ANKRD31: variants seen among roughly 807,000 people sequenced by gnomAD.
ANKRD31 encodes the protein ankyrin repeat domain 31.
A neutral mutation model predicts 186.0 loss-of-function variants in ANKRD31; 147 were observed. The ratio of observed to expected loss-of-function variants is 0.79; its 90% CI spans 0.69 to 0.91. The LOEUF is 0.91. Among genes scored for constraint, ANKRD31 ranks in the 40% least tolerant of loss-of-function variants. The pLI, the probability that ANKRD31 is intolerant of heterozygous loss-of-function variation, is 0.00. For missense variants in ANKRD31, 1,986 were observed against 2,148.8 expected, an observed-to-expected ratio of 0.92 and a Z score of 1.50; for synonymous variants, 673 against 736.4, an observed-to-expected ratio of 0.91 and a Z score of 1.39.
rs564597486 is a variant in ANKRD31, at chr5:75,187,808, A to G, written c.1564+685T>C. 9.2e-4 allele frequency among the ~76,000 whole-genome samples: 140 copies of G among 152,290 alleles called. 2 individuals carry two copies. The South Asian group carries it at 0.016, about 18-fold the overall frequency. ...TTTTACTGTGCCATCTCTGTGCACC[A>G]TAAGACTCTTTGCAATGTTTCTAAA... On this transcript the variant is annotated intron_variant, in intron 10 of 25. Transcript: ENST00000506364.
intron 11 of ANKRD31, among the ~76,000 whole-genome samples, chr5:75,158,923 C>T (rs1752388748): frequency 6.6e-6 from 1 of 151,994 alleles, no homozygotes; most frequent in South Asian, 2.1e-4. Context: ...AAAAAACACT[C>T]TAAAACAGCT....
At chr5:75,212,042 A>T (rs1756683066) in intron 3 of ANKRD31, among the ~76,000 whole-genome samples, 1 of 152,146 alleles carries the variant, frequency 6.6e-6, no homozygotes, top group South Asian at 2.1e-4. Context: ...ATAACTAAGA[A>T]ATCATTGCCA....
intron 5 of ANKRD31, among the ~76,000 whole-genome samples, chr5:75,202,059 A>T (rs1156488832): frequency 6.6e-6 from 1 of 152,198 alleles, no homozygotes; most frequent in Non-Finnish European, 1.5e-5. Flanking sequence ...GACAAAACCA[A>T]TGTACTTCAT....
At chr5:75,110,513 C>T (rs1747688545) in intron 20 of ANKRD31, among the ~76,000 whole-genome samples, 1 of 151,730 alleles carries the variant, frequency 6.6e-6, no homozygotes, top group Admixed American at 6.6e-5. Flanking sequence ...AGATCGAGAC[C>T]ATCCTGACCA....
intron 10 of ANKRD31, among the ~76,000 whole-genome samples, chr5:75,185,698 CAT>C (rs1398778515): frequency 1.3e-5 from 2 of 151,882 alleles, no homozygotes; most frequent in African/African-American, 4.8e-5. Flanking sequence ...AGAAATGATA[CAT>C]GTTTAAGGTG....
intron 11 of ANKRD31, among the ~76,000 whole-genome samples, chr5:75,162,093 T>A (rs1752607085): frequency 6.6e-6 from 1 of 152,158 alleles, no homozygotes; most frequent in African/African-American, 2.4e-5. Flanking sequence ...AGAGCCACTG[T>A]CCTCCAGACC....
chr5:75,124,880 T>C (rs1424054905), intron 17 of ANKRD31, among the ~76,000 whole-genome samples: 10 of 152,166 alleles, frequency 6.6e-5, no homozygotes, highest in Admixed American at 6.6e-4. Flanking sequence ...GTACACTATT[T>C]GAGTGATGGT....
intron 10 of ANKRD31, among the ~76,000 whole-genome samples, chr5:75,176,451 ACC>A (rs1237019176): frequency 1.3e-5 from 2 of 152,190 alleles, no homozygotes; most frequent in South Asian, 4.1e-4. Context: ...TGGGTCCCTG[ACC>A]CCCGAGTAGC....
chr5:75,196,270 AG>A (rs1362287885), intron 6 of ANKRD31, 70 bp from the exon 7 acceptor site: 4 of 1,195,484 alleles, frequency 3.3e-6, no homozygotes, highest in Non-Finnish European at 4.3e-6. Flanking sequence ...AAAACTTTAT[AG>A]TTTTATAGTT....
At chr5:75,163,156 G>A (rs963605079) in intron 11 of ANKRD31, among the ~76,000 whole-genome samples, 1 of 152,154 alleles carries the variant, frequency 6.6e-6, no homozygotes, top group Admixed American at 6.5e-5. Context: ...AAAGAATACT[G>A]TCTTTTGAAG....
At chr5:75,160,940 A>G (rs939253115) in intron 11 of ANKRD31, among the ~76,000 whole-genome samples, 2 of 152,190 alleles carry the variant, frequency 1.3e-5, no homozygotes, top group East Asian at 3.9e-4. Context: ...AAGCCTCCCT[A>G]GCCACATGGA....
chr5:75,103,002 G>A (rs1747032243), intron 22 of ANKRD31, among the ~76,000 whole-genome samples: 1 of 152,154 alleles, frequency 6.6e-6, no homozygotes, highest in Non-Finnish European at 1.5e-5. Flanking sequence ...CCCATCTTCT[G>A]AGTCGCTCAC....
chr5:75,189,659 T>C (rs941662536), intron 9 of ANKRD31, among the ~76,000 whole-genome samples: 4 of 152,194 alleles, frequency 2.6e-5, no homozygotes, highest in Non-Finnish European at 5.9e-5. Context: ...GTGCCAGTTG[T>C]ACTTGTTATA....
At chr5:75,127,747 T>A (rs1434935916) in intron 17 of ANKRD31, among the ~76,000 whole-genome samples, 1 of 152,106 alleles carries the variant, frequency 6.6e-6, no homozygotes, top group Non-Finnish European at 1.5e-5. Context: ...AAATACTGAG[T>A]CTTCTAGGCC....
intron 15 of ANKRD31, among the ~76,000 whole-genome samples, chr5:75,143,331 A>T (rs1267177454): frequency 6.6e-6 from 1 of 152,144 alleles, no homozygotes; most frequent in African/African-American, 2.4e-5. Context: ...GTCACAAACT[A>T]CAGGGATTAG....
intron 25 of ANKRD31, among the ~76,000 whole-genome samples, chr5:75,078,702 A>G (rs1272197757): frequency 6.6e-6 from 1 of 152,248 alleles, no homozygotes; most frequent in African/African-American, 2.4e-5. Flanking sequence ...GAATTAAAAA[A>G]GAAATAACTT....
chr5:75,081,241 A>C (rs1036779225), intron 24 of ANKRD31, among the ~76,000 whole-genome samples: 3 of 152,128 alleles, frequency 2.0e-5, no homozygotes, highest in Admixed American at 2.0e-4. Flanking sequence ...TGCTACCTCC[A>C]TGGTTCTTAA....
chr5:75,184,105 C>T (rs985614050), intron 10 of ANKRD31, among the ~76,000 whole-genome samples: 1 of 152,118 alleles, frequency 6.6e-6, no homozygotes, highest in African/African-American at 2.4e-5. Flanking sequence ...CACGCATCTA[C>T]AGCCAACTGC....
rs558945049 is a variant in ANKRD31, at chr5:75,112,635, A to C, written c.4156-35T>G. 16 of 1,316,828 alleles carry C rather than the reference A, an allele frequency of 1.2e-5. No individual in the cohort carries two copies. The East Asian group carries it at 3.8e-4, about 31-fold the overall frequency. 81.6% of individuals were successfully genotyped at this position (1,316,828 alleles called of 1,614,324 possible). On this transcript the variant is annotated intron_variant, in intron 19 of 25. Coordinates refer to ENST00000506364, the MANE Select transcript of ANKRD31 (RefSeq NM_001372053.1). ...AAAAATATTTGAAACTTCATTATAA[A>C]GGGGTAGATATGCTCTCTGATATGC...
Sources: gnomAD v4.1 joint callset for allele counts (sites outside exome capture counted in the v4.1 genomes callset) on GRCh38, gnomAD v4.1.1 for gene constraint, MANE v1.5 for transcripts, NCBI Gene and HGNC (gene_info 2026-07-23, HGNC 2026-07-21) for gene names.